The following SSR1 variants were observed in gnomAD, a reference collection of about 807,000 sequenced individuals.
SSR1 encodes translocon-associated protein subunit alpha.
SSR1 carries 13 observed loss-of-function variants against 36.1 expected under a neutral mutation model. The observed-to-expected ratio is 0.36, with a 90% CI of 0.23 to 0.57. The LOEUF (loss-of-function observed/expected upper bound fraction) is 0.57, where lower values mean the gene tolerates loss of function less well. Ranked by LOEUF, SSR1 falls within the 20% of genes least tolerant of loss-of-function variation. The probability of loss-of-function intolerance (pLI) is 0.81; values close to 1 mark genes in which losing one functional copy is unlikely to be tolerated. For synonymous variants in SSR1, 113 were observed against 118.9 expected, an observed-to-expected ratio of 0.95 and a Z score of 0.32; for missense variants, 291 against 338.5, an observed-to-expected ratio of 0.86 and a Z score of 1.10.
At chr6:7,306,030 G>T (rs1758044855) in intron 2 of SSR1, among the ~76,000 whole-genome samples, 1 of 152,244 alleles carries the variant, frequency 6.6e-6, no homozygotes, top group South Asian at 2.1e-4. Context: ...TGCCTACAGG[G>T]AGATGACTTC....
At chr6:7,294,353 G>A (rs1052573093) in intron 7 of SSR1, among the ~76,000 whole-genome samples, 1 of 152,194 alleles carries the variant, frequency 6.6e-6, no homozygotes, top group Non-Finnish European at 1.5e-5. Context: ...TATGCTTATA[G>A]ATATATAGAA....
intron 2 of SSR1, among the ~76,000 whole-genome samples, chr6:7,305,494 C>T (rs1758034680): frequency 6.6e-6 from 1 of 152,164 alleles, no homozygotes. Flanking sequence ...TTTCAAGAAG[C>T]CACCGGTCTT....
At position 7,287,955 on chromosome 6, in the gene SSR1, T is replaced by C. The variant is rs537422060; in HGVS notation, c.*1909A>G. ...AAAAAAAATGACAAATAATAAATTC[T>C]ACATTTCCGAGGCACTAATTTGAAC... On this transcript the variant is annotated 3_prime_UTR_variant, in exon 8 of 8. Coordinates refer to ENST00000244763, the MANE Select transcript of SSR1 (RefSeq NM_003144.5). 1.0e-4 allele frequency: 16 copies of C among 152,492 alleles called. No individual in the cohort carries two copies. The East Asian group carries it at 3.1e-3, about 29-fold the overall frequency. The allele number at this position is 152,492 out of a possible 1,614,324, so 9.4% of individuals were successfully genotyped here.
intron 1 of SSR1, 102 bp downstream of exon 1, chr6:7,312,940 G>T (rs936629722): frequency 1.7e-6 from 2 of 1,191,080 alleles, no homozygotes; most frequent in East Asian, 2.6e-5. Context: ...CGGGGTGGAC[G>T]CGGACCCCAG....
Position 7,287,154 on chromosome 6 carries a change from C to T in SSR1, c.*2710G>A, listed in dbSNP as rs974205533. The T allele has an allele frequency of 3.9e-5, 6 of 151,936 alleles. No homozygotes were observed. The highest frequency in any genetic ancestry group is 8.8e-5 in the Non-Finnish European group (6 of 67,998). 9.4% of individuals were successfully genotyped at this position (151,936 alleles called of 1,614,324 possible). A position where few individuals can be genotyped will look rare whatever the true frequency, so the allele number is the denominator to read the frequency against. On this transcript the variant is annotated 3_prime_UTR_variant, in exon 8 of 8. Transcript: ENST00000244763. ...CAAGATGAATGCTATATATGAGGCT[C>T]GCCTATTACTATATTGATCTACTGT...
intron 7 of SSR1, among the ~76,000 whole-genome samples, chr6:7,292,479 G>A (rs60562190): frequency 0.37 from 56,236 of 151,974 alleles, 10,490 homozygotes; most frequent in South Asian, 0.43. Context: ...TACTGAAATC[G>A]CGGAACTGGT....
Position 7,281,950 on chromosome 6 carries a change from T to C in SSR1, c.*7914A>G, listed in dbSNP as rs1432827721. The C allele has an allele frequency of 6.6e-6, 1 of 152,400 alleles. No homozygotes were observed. Among genetic ancestry groups the C allele is most frequent in the Non-Finnish European group, 1.5e-5 (1 of 68,166 alleles). The allele number at this position is 152,400 out of a possible 1,614,324, so 9.4% of individuals were successfully genotyped here. On this transcript the variant is annotated 3_prime_UTR_variant, in exon 8 of 8. Transcript: ENST00000244763. The stretch of plus-strand genomic sequence containing the variant: ...GAGAACTGGCACGCTCTGGAAAGGC[T>C]GGTGCAGAGAGCAGGACGGTGAGCC...
chr6:7,306,887 A>G (rs1199205816), intron 2 of SSR1, among the ~76,000 whole-genome samples: 3 of 134,492 alleles, frequency 2.2e-5, no homozygotes, highest in East Asian at 2.7e-4. Flanking sequence ...ACTGCACTCC[A>G]GCCTGGGCGA....
Position 7,294,485 on chromosome 6 carries a change from C to T in SSR1, c.793+907G>A, listed in dbSNP as rs187800903. On this transcript the variant is annotated intron_variant, in intron 7 of 7. Transcript: ENST00000244763. Reference sequence around the variant, plus strand: ...AGCGGATCACTTGAGGTCAGGAGGTCGAAGCCAGCCAGGCCAACATGGTGA... The same window carrying T: ...AGCGGATCACTTGAGGTCAGGAGGTTGAAGCCAGCCAGGCCAACATGGTGA... Among the ~76,000 whole-genome samples, 88 of 151,914 alleles carry T rather than the reference C, an allele frequency of 5.8e-4. 1 individual carries two copies. The highest frequency in any genetic ancestry group is 2.0e-3 in the African/African-American group (82 of 41,410).
In SSR1 at chr6:7,303,415, G is replaced by T. The variant is rs1223586126; in HGVS notation, c.280+135C>A. On this transcript the variant is annotated intron_variant, in intron 3 of 7. Coordinates refer to ENST00000244763, the MANE Select transcript of SSR1 (RefSeq NM_003144.5). ...TTTTCCCCTTGGTTTATTTTTTATT[G>T]TGTCTATATCACCTACGTATTCCCT... 6 of 484,048 alleles carry T rather than the reference G, an allele frequency of 1.2e-5. No individual in the cohort carries two copies. The South Asian group carries it at 1.9e-4, about 15-fold the overall frequency. The allele number at this position is 484,048 out of a possible 1,614,324, so 30.0% of individuals were successfully genotyped here. A position where few individuals can be genotyped will look rare whatever the true frequency, so the allele number is the denominator to read the frequency against.
intron 2 of SSR1, among the ~76,000 whole-genome samples, chr6:7,308,737 T>C (rs532994946): frequency 7.8e-6 from 1 of 128,356 alleles, no homozygotes; most frequent in Non-Finnish European, 1.7e-5. Flanking sequence ...TTAAAACACA[T>C]ATAACTGCCC....
chr6:7,290,958 A>G (rs1276370731), intron 7 of SSR1, among the ~76,000 whole-genome samples: 4 of 130,640 alleles, frequency 3.1e-5, no homozygotes, highest in Non-Finnish European at 7.0e-5. Flanking sequence ...CAGTGCCACG[A>G]TCTCCGCTCT....
Position 7,283,731 on chromosome 6 carries a change from A to G in SSR1, c.*6133T>C, listed in dbSNP as rs1224444274. 5 of 152,256 alleles carry G rather than the reference A, an allele frequency of 3.3e-5. No homozygotes were observed. Among genetic ancestry groups the G allele is most frequent in the Admixed American group, 3.3e-4 (5 of 15,276 alleles). 9.4% of individuals were successfully genotyped at this position (152,256 alleles called of 1,614,324 possible). A position where few individuals can be genotyped will look rare whatever the true frequency, so the allele number is the denominator to read the frequency against. ...CTGGACTGTGATAGCAGAAACAAATACAGGCAGTGCCTCAGAGAATACAAA... is the reference window on the plus strand; with the variant it reads ...CTGGACTGTGATAGCAGAAACAAATGCAGGCAGTGCCTCAGAGAATACAAA... On this transcript the variant is annotated 3_prime_UTR_variant, in exon 8 of 8. Coordinates refer to ENST00000244763, the MANE Select transcript of SSR1 (RefSeq NM_003144.5).
intron 3 of SSR1, among the ~76,000 whole-genome samples, chr6:7,302,500 T>C (rs1186949801): frequency 6.6e-6 from 1 of 152,210 alleles, no homozygotes; most frequent in Non-Finnish European, 1.5e-5. Context: ...GTGTGGTGGC[T>C]CACACCTGTA....
chr6:7,310,224 A>AT (rs10633004), intron 1 of SSR1, among the ~76,000 whole-genome samples, 195 bp from the exon 2 acceptor site: 17,502 of 139,348 alleles, frequency 0.13, 1,335 homozygotes, highest in East Asian at 0.32. Flanking sequence ...CTGCATATCA[A>AT]TTTTTTTTTT....
chr6:7,281,517 T>C lies in SSR1; in HGVS notation c.*8347A>G, dbSNP rs1581619860. The C allele has an allele frequency of 6.6e-6, 1 of 152,184 alleles. No homozygotes were observed. The highest frequency in any genetic ancestry group is 1.9e-4 in the East Asian group (1 of 5,206). 9.4% of individuals were successfully genotyped at this position (152,184 alleles called of 1,614,324 possible). ...AAAACCCAAGACCTCCGGCAACAAATTAGAAAATATGAACAGAAATATTTT... is the reference window on the plus strand; with the variant it reads ...AAAACCCAAGACCTCCGGCAACAAACTAGAAAATATGAACAGAAATATTTT... On this transcript the variant is annotated 3_prime_UTR_variant, in exon 8 of 8. Coordinates refer to ENST00000244763, the MANE Select transcript of SSR1 (RefSeq NM_003144.5).
At chr6:7,311,885 C>T (rs1475908132) in intron 1 of SSR1, among the ~76,000 whole-genome samples, 2 of 152,122 alleles carry the variant, frequency 1.3e-5, no homozygotes, top group African/African-American at 2.4e-5. Context: ...ACTAAAACTA[C>T]ATTTGTCAAG....
chr6:7,299,999 G>A (rs1257116662), intron 4 of SSR1, among the ~76,000 whole-genome samples: 1 of 151,988 alleles, frequency 6.6e-6, no homozygotes, highest in African/African-American at 2.4e-5. Flanking sequence ...AGTGGTACAG[G>A]TGAATTTAAA....
chr6:7,312,837 G>T (rs1337643468), intron 1 of SSR1, among the ~76,000 whole-genome samples: 1 of 152,240 alleles, frequency 6.6e-6, no homozygotes, highest in African/African-American at 2.4e-5. Flanking sequence ...CGCGCTCCGC[G>T]TGCAAGGGGC....
Sources: gnomAD v4.1 joint callset for allele counts (sites outside exome capture counted in the v4.1 genomes callset) on GRCh38, gnomAD v4.1.1 for gene constraint, MANE v1.5 for transcripts, NCBI Gene and HGNC (gene_info 2026-07-23, HGNC 2026-07-21) for gene names.